AFAP1L2: variants seen among roughly 807,000 people sequenced by gnomAD.
The protein encoded by AFAP1L2 is actin filament associated protein 1 like 2.
Under a neutral mutation model 99.3 loss-of-function variants are expected in AFAP1L2, and 46 were observed. The observed-to-expected ratio is 0.46, with a 90% CI of 0.37 to 0.59. The LOEUF is 0.59. Ranked by LOEUF, AFAP1L2 falls within the 20% of genes least tolerant of loss-of-function variation. The pLI is 0.00. For synonymous variants in AFAP1L2, 397 were observed against 419.1 expected, an observed-to-expected ratio of 0.95 and a Z score of 0.64; for missense variants, 959 against 1,034.9, an observed-to-expected ratio of 0.93 and a Z score of 1.01.
intron 1 of AFAP1L2, among the ~76,000 whole-genome samples, chr10:114,386,292 T>G (rs2056492097): frequency 6.6e-6 from 1 of 152,066 alleles, no homozygotes; most frequent in Non-Finnish European, 1.5e-5. Flanking sequence ...TCCCAACTAC[T>G]CAAGAAGTCG....
At chr10:114,398,658 C>T (rs1343867352) in intron 1 of AFAP1L2, among the ~76,000 whole-genome samples, 1 of 152,244 alleles carries the variant, frequency 6.6e-6, no homozygotes, top group Non-Finnish European at 1.5e-5. Flanking sequence ...AATTGACTTG[C>T]CCAAGGTCGC....
chr10:114,369,176 G>T (rs1389561248), intron 1 of AFAP1L2, among the ~76,000 whole-genome samples: 1 of 152,034 alleles, frequency 6.6e-6, no homozygotes, highest in Non-Finnish European at 1.5e-5. Context: ...CTTTTTATTG[G>T]CTGGGTGTAG....
intron 11 of AFAP1L2, among the ~76,000 whole-genome samples, chr10:114,304,514 T>C (rs2041794920): frequency 6.6e-6 from 1 of 152,168 alleles, no homozygotes; most frequent in African/African-American, 2.4e-5. Flanking sequence ...TAGCGCATGG[T>C]TCCACTCTTA....
intron 5 of AFAP1L2, among the ~76,000 whole-genome samples, chr10:114,320,285 C>T (rs11196695): frequency 1.3e-5 from 2 of 152,298 alleles, no homozygotes; most frequent in African/African-American, 2.4e-5. Flanking sequence ...CCCAGGGGAG[C>T]GGTGTGGGGA....
chr10:114,342,918 G>A (rs776777493), intron 1 of AFAP1L2, among the ~76,000 whole-genome samples: 25 of 152,212 alleles, frequency 1.6e-4, no homozygotes, highest in Non-Finnish European at 2.9e-4. Context: ...GGCTTTGTGT[G>A]GAGCTCACAT....
chr10:114,335,850 A>T (rs2047894020), intron 2 of AFAP1L2, among the ~76,000 whole-genome samples: 1 of 152,220 alleles, frequency 6.6e-6, no homozygotes, highest in Admixed American at 6.5e-5. Flanking sequence ...AAATATAAAA[A>T]TAACGTAAAG....
intron 2 of AFAP1L2, among the ~76,000 whole-genome samples, chr10:114,333,844 A>G (rs1332497109): frequency 6.6e-6 from 1 of 152,106 alleles, no homozygotes; most frequent in East Asian, 1.9e-4. Flanking sequence ...AAGAAATCCT[A>G]AGTTCAAGAT....
At chr10:114,282,964 AG>A in the AFAP1L2 span, among the ~76,000 whole-genome samples, 1 of 152,330 alleles carries the variant, frequency 6.6e-6, no homozygotes, top group South Asian at 2.1e-4. Context: ...TCCATGTGAA[AG>A]GGGGTCATCG....
At chr10:114,316,799 G>A (rs559699587) in intron 5 of AFAP1L2, among the ~76,000 whole-genome samples, 6 of 152,264 alleles carry the variant, frequency 3.9e-5, no homozygotes, top group Admixed American at 2.6e-4. Flanking sequence ...AGCAGGACAT[G>A]GAGGAAAGGG....
At chr10:114,365,711 TTC>T (rs201680088) in intron 1 of AFAP1L2, among the ~76,000 whole-genome samples, 12 of 138,886 alleles carry the variant, frequency 8.6e-5, no homozygotes, top group Admixed American at 2.3e-4. Context: ...TCTTTTTTCT[TTC>T]TCTCTCTCTC....
the AFAP1L2 span, among the ~76,000 whole-genome samples, chr10:114,288,454 C>A: frequency 6.6e-6 from 1 of 152,218 alleles, no homozygotes; most frequent in Non-Finnish European, 1.5e-5. Flanking sequence ...AAGATGTTGT[C>A]ACAAAGGGTT....
At chr10:114,305,970 G>C (rs1243024015) in intron 10 of AFAP1L2, among the ~76,000 whole-genome samples, 34 of 118,680 alleles carry the variant, frequency 2.9e-4, no homozygotes, top group East Asian at 2.8e-4. Flanking sequence ...GGGGGGTGCA[G>C]GTACAGGAGG....
chr10:114,292,602 C>T (rs1275024678), downstream of AFAP1L2, among the ~76,000 whole-genome samples: 4 of 150,410 alleles, frequency 2.7e-5, no homozygotes, highest in African/African-American at 7.3e-5. Flanking sequence ...ACTTCCCTAT[C>T]GCTGCAGTAT....
Position 114,304,768 on chromosome 10 carries a change from A to C in AFAP1L2, c.1235T>G (p.Leu412Arg). Residue 412 changes from leucine (L) to arginine (R), a missense_variant, in exon 11 of 19, where the codon CTC (leucine) becomes CGC (arginine). Around this residue, in one of 2 missense-constraint regions of AFAP1L2, gnomAD observed 576 missense variants for 562.1 expected, o/e 1.02. Transcript: ENST00000304129. ...CTTGTGGAGGATGCGGAAGGAGTAG[A>C]GGTGGTCGGGGCTGGGGTCTGGGAC... ...EVVPDPSPDH[L>R]YSFRILHKGE... The C allele has an allele frequency of 1.2e-6, 2 of 1,612,746 alleles. No individual in the cohort carries two copies. The highest frequency in any genetic ancestry group is 8.5e-7 in the Non-Finnish European group (1 of 1,179,974).
intron 4 of AFAP1L2, among the ~76,000 whole-genome samples, chr10:114,327,819 G>A (rs776991405): frequency 6.6e-6 from 1 of 152,216 alleles, no homozygotes; most frequent in South Asian, 2.1e-4. Flanking sequence ...AGCTGATGAG[G>A]GGTGGCTCAG....
At chr10:114,327,887 G>C (rs948163560) in intron 4 of AFAP1L2, among the ~76,000 whole-genome samples, 3 of 152,248 alleles carry the variant, frequency 2.0e-5, no homozygotes, top group Admixed American at 2.0e-4. Context: ...GCTGCAGAAG[G>C]CTCCCAGGTG....
chr10:114,386,558 T>C (rs1332547769), intron 1 of AFAP1L2, among the ~76,000 whole-genome samples: 3 of 152,116 alleles, frequency 2.0e-5, no homozygotes, highest in Non-Finnish European at 2.9e-5. Flanking sequence ...TGGGGGCTCT[T>C]CCCCCGGCAG....
intron 1 of AFAP1L2, among the ~76,000 whole-genome samples, chr10:114,356,411 A>T (rs1303740674): frequency 6.6e-6 from 1 of 152,214 alleles, no homozygotes; most frequent in Non-Finnish European, 1.5e-5. Flanking sequence ...AACAAAAAGA[A>T]TGTAAAATAA....
intron 3 of AFAP1L2, among the ~76,000 whole-genome samples, chr10:114,332,775 C>T (rs914878696): frequency 3.3e-5 from 5 of 152,222 alleles, no homozygotes; most frequent in Non-Finnish European, 5.9e-5. Context: ...GGAGACTAAA[C>T]GTTCCGCCAA....
Sources: allele counts gnomAD v4.1 joint callset (sites outside exome capture counted in the v4.1 genomes callset), GRCh38; gene constraint gnomAD v4.1.1; regional missense constraint gnomAD v4.1.1; transcripts MANE v1.5; gene names NCBI Gene and HGNC (gene_info 2026-07-23, HGNC 2026-07-21).